Variants in ZFYVE9 observed in about 807,000 individuals in gnomAD.
ZFYVE9 encodes zinc finger FYVE domain-containing protein 9.
In ZFYVE9, 43 loss-of-function variants were observed where a neutral mutation model predicts 126.7. That is an observed-to-expected ratio of 0.34 (90% confidence interval 0.27 to 0.44). The LOEUF (loss-of-function observed/expected upper bound fraction) is 0.44. ZFYVE9 is among the 20% of genes least tolerant of loss of function. The pLI is 1.00. For missense variants in ZFYVE9, 1,476 were observed against 1,697.0 expected, an observed-to-expected ratio of 0.87 and a Z score of 2.29; for synonymous variants, 521 against 597.4, an observed-to-expected ratio of 0.87 and a Z score of 1.87.
intron 1 of ZFYVE9, among the ~76,000 whole-genome samples, chr1:52,148,735 A>G (rs1262114429): frequency 1.3e-5 from 2 of 150,362 alleles, no homozygotes; most frequent in East Asian, 2.0e-4. Context: ...TCTGTCTCCC[A>G]GATTCAAGCG....
chr1:52,253,906 G>C, intron 4 of ZFYVE9: 2 of 1,056,460 alleles, frequency 1.9e-6, no homozygotes, highest in Non-Finnish European at 3.0e-6. Flanking sequence ...CAAGATTTCA[G>C]CCAAAGTAGG....
At chr1:52,276,117 A>C (rs1040721503) in intron 8 of ZFYVE9, among the ~76,000 whole-genome samples, 4 of 152,050 alleles carry the variant, frequency 2.6e-5, no homozygotes. Flanking sequence ...TATGTTGACC[A>C]GGCTGGTCTT....
chr1:52,282,673 A>G (rs1645815843), intron 10 of ZFYVE9, among the ~76,000 whole-genome samples: 1 of 152,214 alleles, frequency 6.6e-6, no homozygotes, highest in African/African-American at 2.4e-5. Flanking sequence ...TGCCAAAGAC[A>G]GTATCCAGAA....
At chr1:52,217,352 T>C (rs1464731606) in intron 2 of ZFYVE9, among the ~76,000 whole-genome samples, 1 of 152,176 alleles carries the variant, frequency 6.6e-6, no homozygotes, top group Non-Finnish European at 1.5e-5. Context: ...GGGGGTAGGA[T>C]TGTTTACAAC....
chr1:52,210,762 C>T (rs1342720107), intron 1 of ZFYVE9, among the ~76,000 whole-genome samples: 1 of 152,160 alleles, frequency 6.6e-6, no homozygotes, highest in African/African-American at 2.4e-5. Flanking sequence ...TCAGGAGATT[C>T]TCATGCCTCA....
intron 14 of ZFYVE9, 24 bp from the exon 15 acceptor site, chr1:52,334,664 A>T: frequency 6.2e-7 from 1 of 1,612,196 alleles, no homozygotes; most frequent in Non-Finnish European, 8.5e-7. Context: ...CTGTCTTACT[A>T]AACTATTTCT....
intron 8 of ZFYVE9, among the ~76,000 whole-genome samples, chr1:52,276,973 T>C (rs1309446659): frequency 6.6e-6 from 1 of 152,240 alleles, no homozygotes; most frequent in African/African-American, 2.4e-5. Flanking sequence ...TACTCTCAAA[T>C]GCAGCTATGT....
At chr1:52,148,613 A>G (rs1266809484) in intron 1 of ZFYVE9, among the ~76,000 whole-genome samples, 1 of 152,068 alleles carries the variant, frequency 6.6e-6, no homozygotes, top group Non-Finnish European at 1.5e-5. Context: ...CAGCTGTATA[A>G]AAGGCTGTCT....
rs769015703 is a variant in ZFYVE9 at position 52,238,069 on chromosome 1, A to G, written c.652A>G (p.Arg218Gly). Residue 218 changes from arginine to glycine, a missense_variant, in exon 4 of 19, where the codon AGA becomes GGA. Arg to Gly is a moderately radical substitution (Grantham distance 125). Transcript: ENST00000287727. ...NSEKQMDPLN[R>G]PKTEGRSVNH... is the part of the protein sequence containing the mutation. ...AGAGAAACAAATGGATCCATTGAATAGACCGAAAACAGAGGGGAGATCTGT... is the reference window on the plus strand; with the variant it reads ...AGAGAAACAAATGGATCCATTGAATGGACCGAAAACAGAGGGGAGATCTGT... The G allele has an allele frequency of 1.2e-6, 2 of 1,614,078 alleles. 1 individual carries two copies. Among genetic ancestry groups the G allele is most frequent in the Admixed American group, 3.3e-5 (2 of 60,014 alleles).
At chr1:52,195,743 G>C (rs1644853878) in intron 1 of ZFYVE9, among the ~76,000 whole-genome samples, 1 of 151,016 alleles carries the variant, frequency 6.6e-6, no homozygotes, top group Non-Finnish European at 1.5e-5. Flanking sequence ...GAAAGTTTTT[G>C]ATAAATGCAA....
chr1:52,159,237 C>G (rs889541155), intron 1 of ZFYVE9, among the ~76,000 whole-genome samples: 1 of 152,208 alleles, frequency 6.6e-6, no homozygotes, highest in African/African-American at 2.4e-5. Flanking sequence ...TCATGCCTCA[C>G]ATACCACCTG....
intron 4 of ZFYVE9, among the ~76,000 whole-genome samples, chr1:52,240,203 C>T (rs867606743): frequency 6.6e-6 from 1 of 152,090 alleles, no homozygotes; most frequent in Non-Finnish European, 1.5e-5. Flanking sequence ...TTCCTTAGCT[C>T]TCCCCAAATT....
chr1:52,321,127 T>C (rs1333057229), intron 13 of ZFYVE9, among the ~76,000 whole-genome samples: 1 of 152,232 alleles, frequency 6.6e-6, no homozygotes, highest in Non-Finnish European at 1.5e-5. Context: ...AAAAATAGGC[T>C]GAATGGCCTC....
chr1:52,331,470 C>T (rs1406824191), intron 13 of ZFYVE9, among the ~76,000 whole-genome samples: 13 of 148,240 alleles, frequency 8.8e-5, no homozygotes, highest in Admixed American at 5.4e-4. Context: ...AAAAAAGTGT[C>T]GGCCGGGTGC....
At position 52,239,420 on chromosome 1, in the gene ZFYVE9, G is replaced by C. The variant is rs1168388369; in HGVS notation, c.2003G>C (p.Ser668Thr). Residue 668 changes from serine to threonine, a missense_variant, in exon 4 of 19, where the codon AGC becomes ACC. Coordinates refer to ENST00000287727, the MANE Select transcript of ZFYVE9 (RefSeq NM_004799.4). Reference protein sequence around the residue: ...TRPCLALAPDSPDNDLRAGQF... With the variant: ...TRPCLALAPDTPDNDLRAGQF... The stretch of plus-strand genomic sequence containing the variant: ...CCATGCCTTGCATTAGCTCCAGATA[G>C]CCCAGATAATGATCTCAGAGCTGGT... The C allele has an allele frequency of 1.2e-6, 2 of 1,614,114 alleles. No homozygotes were observed. The highest frequency in any genetic ancestry group is 2.2e-5 in the East Asian group (1 of 44,876).
chr1:52,209,807 CAG>C (rs373673630), intron 1 of ZFYVE9, among the ~76,000 whole-genome samples: 25 of 152,142 alleles, frequency 1.6e-4, no homozygotes, highest in African/African-American at 5.5e-4. Context: ...CCAAATCAAA[CAG>C]AACAGAACAT....
intron 13 of ZFYVE9, among the ~76,000 whole-genome samples, chr1:52,328,854 G>A (rs1307350275): frequency 1.3e-5 from 2 of 152,186 alleles, no homozygotes; most frequent in East Asian, 1.9e-4. Context: ...GTTTGGATTA[G>A]TGAGGTTGAT....
intron 2 of ZFYVE9, among the ~76,000 whole-genome samples, chr1:52,230,309 G>T (rs1373325338): frequency 6.6e-6 from 1 of 152,116 alleles, no homozygotes; most frequent in Non-Finnish European, 1.5e-5. Context: ...GGCAAACGGA[G>T]TGAACTTCCC....
intron 4 of ZFYVE9, among the ~76,000 whole-genome samples, chr1:52,245,717 C>A (rs1645378208): frequency 3.9e-5 from 6 of 152,142 alleles, no homozygotes. Flanking sequence ...ACTTAATCTT[C>A]CTGGTAAACC....
Sources: gnomAD v4.1 joint callset for allele counts (sites outside exome capture counted in the v4.1 genomes callset) on GRCh38, gnomAD v4.1.1 for gene constraint, MANE v1.5 for transcripts, NCBI Gene and HGNC (gene_info 2026-07-23, HGNC 2026-07-21) for gene names.